FBN1: variants seen among roughly 807,000 people sequenced by gnomAD.
FBN1 encodes the protein fibrillin 1, also known as fibrillin-1.
Under a neutral mutation model 365.1 loss-of-function variants are expected in FBN1, and 29 were observed. That is an observed-to-expected ratio of 0.08 (90% CI 0.06 to 0.11). FBN1 has a LOEUF of 0.11. FBN1 is among the 10% of genes least tolerant of loss of function. The probability of loss-of-function intolerance (pLI) is 1.00; values close to 1 mark genes in which losing one functional copy is unlikely to be tolerated. For synonymous variants in FBN1, 1,210 were observed against 1,270.5 expected (o/e 0.95, Z 1.01); for missense variants, 2,476 against 3,703.2 (o/e 0.67, Z 8.60).
chr15:48,428,194 A>G, intron 57 of FBN1, 152 bp downstream of exon 57: 1 of 962,664 alleles, frequency 1.0e-6, no homozygotes, highest in Middle Eastern at 3.1e-4. Context: ...CCCAATGGAC[A>G]ATCACAGTCA....
At position 48,612,863 on chromosome 15, in the gene FBN1, T is replaced by C. The variant is rs2044667472; in HGVS notation, c.247+147A>G. 1.5e-5 allele frequency: 11 copies of C among 722,616 alleles called. 1 individual carries two copies. In the Middle Eastern group the frequency reaches 7.0e-4, roughly 46 times the overall value. 44.8% of individuals were successfully genotyped at this position (722,616 alleles called of 1,614,324 possible). On this transcript the variant is annotated intron_variant, in intron 3 of 65. Transcript: ENST00000316623. ...GACCAAGTTGATGTATTTCCCAAACTGGAAAGGTAGAAAAGTCTTAAAGCT... is the reference window on the plus strand; with the variant it reads ...GACCAAGTTGATGTATTTCCCAAACCGGAAAGGTAGAAAAGTCTTAAAGCT...
chr15:48,564,507 C>CT (rs34674480), intron 6 of FBN1, among the ~76,000 whole-genome samples: 28 of 147,838 alleles, frequency 1.9e-4, no homozygotes, highest in Non-Finnish European at 2.7e-4. Context: ...TGATTCAGGA[C>CT]TTTTTTTTTT....
rs1325899130 is a variant in FBN1, at chr15:48,421,451, G to A, written c.7699+107C>T. On this transcript the variant is annotated intron_variant, in intron 62 of 65. Coordinates refer to ENST00000316623, the MANE Select transcript of FBN1 (RefSeq NM_000138.5). The stretch of plus-strand genomic sequence containing the variant: ...CTATTTTAGCTGAGTGCCCCCCTGG[G>A]CTCAGATCTGCTATCTCATAGAGGC... 2.9e-6 allele frequency: 4 copies of A among 1,378,164 alleles called. No individual in the cohort carries two copies. The Admixed American group carries it at 7.7e-5, about 27-fold the overall frequency. The allele number at this position is 1,378,164 out of a possible 1,614,324, so 85.4% of individuals were successfully genotyped here.
chr15:48,497,162 A>G (rs2043614997), intron 19 of FBN1, 104 bp downstream of exon 19: 9 of 1,365,268 alleles, frequency 6.6e-6, no homozygotes, highest in South Asian at 5.8e-5. Flanking sequence ...TAAAGTGTCC[A>G]TTTGCCCAGT....
intron 5 of FBN1, among the ~76,000 whole-genome samples, chr15:48,597,006 G>T (rs965718514): frequency 2.6e-5 from 4 of 152,164 alleles, no homozygotes; most frequent in African/African-American, 9.7e-5. Context: ...ACTCCTCTTT[G>T]TACAAGTTCC....
chr15:48,537,477 G>T, intron 7 of FBN1, 134 bp downstream of exon 7: 1 of 1,033,816 alleles, frequency 9.7e-7, no homozygotes, highest in East Asian at 2.6e-5. Flanking sequence ...GCCTTAGTTG[G>T]ATATCATGCA....
intron 2 of FBN1, among the ~76,000 whole-genome samples, chr15:48,613,701 G>C (rs562662036): frequency 6.6e-6 from 1 of 152,300 alleles, no homozygotes; most frequent in African/African-American, 2.4e-5. Context: ...GCCGAGGTGG[G>C]CAGGTCACTT....
intron 64 of FBN1, among the ~76,000 whole-genome samples, chr15:48,414,004 T>C (rs771207916): frequency 2.2e-4 from 34 of 152,334 alleles, no homozygotes; most frequent in Middle Eastern, 6.8e-3. Context: ...CGCATGCGTA[T>C]ACATTCACAC....
intron 6 of FBN1, among the ~76,000 whole-genome samples, chr15:48,563,992 G>C (rs1049434097): frequency 6.6e-6 from 1 of 152,148 alleles, no homozygotes; most frequent in Non-Finnish European, 1.5e-5. Context: ...AAATCTAGAA[G>C]GGCCAACGAG....
chr15:48,428,016 T>C lies in FBN1; in HGVS notation c.6998-243A>G, dbSNP rs1372157936. Reference sequence around the variant, plus strand: ...GCCTAGACAAGCTTATAACTCTCTCTGCTCCCAGAAATACAGGGGAATAGC... The same window carrying C: ...GCCTAGACAAGCTTATAACTCTCTCCGCTCCCAGAAATACAGGGGAATAGC... On this transcript the variant is annotated intron_variant, in intron 57 of 65. Transcript: ENST00000316623. 33 of 682,720 alleles carry C rather than the reference T, an allele frequency of 4.8e-5. No individual in the cohort carries two copies. In the Middle Eastern group the frequency reaches 7.2e-4, roughly 15 times the overall value. 42.3% of individuals were successfully genotyped at this position (682,720 alleles called of 1,614,324 possible). A position where few individuals can be genotyped will look rare whatever the true frequency, so the allele number is the denominator to read the frequency against.
At position 48,472,654 on chromosome 15, in the gene FBN1, G is replaced by A. The variant is rs183198761; in HGVS notation, c.4233C>T (p.Asn1411=). Residue 1411 remains asparagine (N), a synonymous_variant, in exon 35 of 66, where the codon AAC becomes AAT. Coordinates refer to ENST00000316623, the MANE Select transcript of FBN1 (RefSeq NM_000138.5). ...TCTDLDECSE[N]LNLCGNGQCL... ...ACTGGCCATTGCCACAGAGATTCAG[G>A]TTCTCAGAGCACTCATCAAGGTCTA... 8 of 1,614,154 alleles carry A rather than the reference G, an allele frequency of 5.0e-6. No individual in the cohort carries two copies. The African/African-American group carries it at 6.7e-5, about 13-fold the overall frequency.
intron 47 of FBN1, among the ~76,000 whole-genome samples, chr15:48,446,221 G>T (rs2043157343): frequency 6.6e-6 from 1 of 152,012 alleles, no homozygotes; most frequent in African/African-American, 2.4e-5. Context: ...TTGCTTTCTG[G>T]GGGTTCAGTT....
At chr15:48,630,555 CCTAT>C (rs1888333152) in intron 2 of FBN1, among the ~76,000 whole-genome samples, 1 of 151,922 alleles carries the variant, frequency 6.6e-6, no homozygotes, top group African/African-American at 2.4e-5. Flanking sequence ...AAGTGGTTTG[CCTAT>C]CTTTGTAAAA....
intron 42 of FBN1, among the ~76,000 whole-genome samples, chr15:48,461,521 G>A (rs1376554338): frequency 1.3e-5 from 2 of 152,008 alleles, no homozygotes; most frequent in African/African-American, 2.4e-5. Flanking sequence ...AATAATAAAT[G>A]TATTTTTCAA....
At chr15:48,446,886 A>T in intron 46 of FBN1, 64 bp from the exon 47 acceptor site, 1 of 1,110,562 alleles carries the variant, frequency 9.0e-7, no homozygotes, top group Admixed American at 1.7e-5. Flanking sequence ...ACACGGTTAC[A>T]GTGGCTAAAG....
At chr15:48,505,001 A>C in intron 16 of FBN1, 24 bp downstream of exon 16, 1 of 1,614,034 alleles carries the variant, frequency 6.2e-7, no homozygotes, top group Non-Finnish European at 8.5e-7. Context: ...CTCTCTCATA[A>C]GGTTAGCCAT....
intron 4 of FBN1, among the ~76,000 whole-genome samples, chr15:48,605,119 C>A (rs535985639): frequency 6.6e-6 from 1 of 152,254 alleles, no homozygotes; most frequent in African/African-American, 2.4e-5. Flanking sequence ...CAATTCCTAT[C>A]AAAATCCTAA....
intron 2 of FBN1, among the ~76,000 whole-genome samples, chr15:48,619,272 T>G (rs1443651874): frequency 6.6e-6 from 1 of 152,108 alleles, no homozygotes; most frequent in African/African-American, 2.4e-5. Flanking sequence ...CTAACTTACT[T>G]TGTGCAGTTT....
intron 6 of FBN1, among the ~76,000 whole-genome samples, chr15:48,563,158 G>A (rs920672479): frequency 1.3e-5 from 2 of 152,188 alleles, no homozygotes; most frequent in African/African-American, 2.4e-5. Flanking sequence ...TATTCATTGA[G>A]TACCTACTGT....
Sources: gnomAD v4.1 joint callset for allele counts (sites outside exome capture counted in the v4.1 genomes callset) on GRCh38, gnomAD v4.1.1 for gene constraint, MANE v1.5 for transcripts, NCBI Gene and HGNC (gene_info 2026-07-23, HGNC 2026-07-21) for gene names.